Variants in OAS2 observed in about 807,000 individuals in gnomAD.
OAS2 encodes the protein 2'-5'-oligoadenylate synthetase 2.
In OAS2, 67 loss-of-function variants were observed where a neutral mutation model predicts 71.3. The ratio of observed to expected loss-of-function variants is 0.94; its 90% CI spans 0.77 to 1.15. The LOEUF is 1.15. Ranked by LOEUF, OAS2 falls within the 50% of genes most tolerant of loss-of-function variation. The probability of loss-of-function intolerance (pLI) is 0.00; values close to 1 mark genes in which losing one functional copy is unlikely to be tolerated. For synonymous variants in OAS2, 327 were observed against 321.8 expected (o/e 1.02, Z -0.17); for missense variants, 789 against 822.5 (o/e 0.96, Z 0.50).
In OAS2 at chr12:113,007,932, G is replaced by A; in HGVS notation, c.1884G>A (p.Leu628=). Residue 628 remains leucine (L), a synonymous_variant, in exon 9 of 10, where the codon TTG becomes TTA. Transcript: ENST00000392583. The part of the protein sequence containing the change: ...ETVRKFLLSQ[L]QKTRPVILDP... ...TGAGGAAGTTTCTACTGAGCCAGTT[G>A]CAGAAAACCAGGTGCCTTCACCCTA... 1 of 1,613,378 alleles carries A rather than the reference G, an allele frequency of 6.2e-7. No individual in the cohort carries two copies. Among genetic ancestry groups the A allele is most frequent in the Non-Finnish European group, 8.5e-7 (1 of 1,179,286 alleles).
In OAS2 at chr12:112,997,549, G is replaced by A. The variant is rs45530035; in HGVS notation, c.657G>A (p.Ser219=). The A allele has an allele frequency of 2.0e-4, 327 of 1,613,782 alleles. No homozygotes were observed. Among genetic ancestry groups the A allele is most frequent in the Non-Finnish European group, 2.5e-4 (298 of 1,179,876 alleles). The change falls in exon 4 of 10, where the codon TCG becomes TCA. Residue 219 remains serine, a synonymous_variant. Coordinates refer to ENST00000392583, the MANE Select transcript of OAS2 (RefSeq NM_002535.3). ...AGAAAAAAATCAAGGATTTACCCTC[G>A]CTGTCTCCGTATGCCCTGGAGCTGC... The part of the protein sequence containing the change: ...QCQKKIKDLP[S]LSPYALELLT...
intron 2 of OAS2, among the ~76,000 whole-genome samples, chr12:112,991,112 C>T (rs2044187872): frequency 6.6e-6 from 1 of 152,238 alleles, no homozygotes; most frequent in East Asian, 1.9e-4. Context: ...CTGGCCTTCC[C>T]TGAGCTCCTC....
At chr12:112,982,352 C>T (rs911302132) in intron 1 of OAS2, among the ~76,000 whole-genome samples, 3 of 151,956 alleles carry the variant, frequency 2.0e-5, no homozygotes, top group African/African-American at 7.3e-5. Flanking sequence ...TCCTTACATG[C>T]CTAATTTGTT....
rs992942105 is a variant in OAS2, at chr12:113,009,707, T to G, written c.*452T>G. The G allele has an allele frequency of 2.8e-5, 28 of 987,380 alleles. No homozygotes were observed. In the African/African-American group the frequency reaches 4.7e-4, roughly 17 times the overall value. The allele number at this position is 987,380 out of a possible 1,614,324, so 61.2% of individuals were successfully genotyped here. A position where few individuals can be genotyped will look rare whatever the true frequency, so the allele number is the denominator to read the frequency against. On this transcript the variant is annotated 3_prime_UTR_variant, in exon 10 of 10. Transcript: ENST00000392583. ...ACCCAAAGGTCAAGAACACAGTGATTTTATTAGAAGTTTCATCCGCAAATT... is the reference window on the plus strand; with the variant it reads ...ACCCAAAGGTCAAGAACACAGTGATGTTATTAGAAGTTTCATCCGCAAATT...
At chr12:113,001,651 C>T (rs2044291949) in intron 5 of OAS2, among the ~76,000 whole-genome samples, 1 of 151,366 alleles carries the variant, frequency 6.6e-6, no homozygotes, top group Non-Finnish European at 1.5e-5. Flanking sequence ...GCCTCTCTCT[C>T]TACTTCCAAC....
chr12:113,005,447 G>T (rs2044323417), intron 7 of OAS2, among the ~76,000 whole-genome samples: 1 of 152,108 alleles, frequency 6.6e-6, no homozygotes, highest in African/African-American at 2.4e-5. Context: ...TAATCAGGGA[G>T]ACTGAGGCAG....
At chr12:112,979,267 C>T (rs1360403100) in intron 1 of OAS2, among the ~76,000 whole-genome samples, 3 of 152,070 alleles carry the variant, frequency 2.0e-5, no homozygotes, top group African/African-American at 7.2e-5. Flanking sequence ...ACACAAATCT[C>T]AGGACTGAGG....
At position 113,009,439 on chromosome 12, in the gene OAS2, C is replaced by T; in HGVS notation, c.*184C>T. ...TCAGGCAGGTAACCCCAGATTCATGCACTGTAGGGTGCTGCGCAGCATCCC... is the reference window on the plus strand; with the variant it reads ...TCAGGCAGGTAACCCCAGATTCATGTACTGTAGGGTGCTGCGCAGCATCCC... On this transcript the variant is annotated 3_prime_UTR_variant, in exon 10 of 10. Coordinates refer to ENST00000392583, the MANE Select transcript of OAS2 (RefSeq NM_002535.3). 1.4e-6 allele frequency: 2 copies of T among 1,431,558 alleles called. No individual in the cohort carries two copies. Among genetic ancestry groups the T allele is most frequent in the Non-Finnish European group, 1.8e-6 (2 of 1,095,792 alleles). 88.7% of individuals were successfully genotyped at this position (1,431,558 alleles called of 1,614,324 possible).
chr12:112,999,699 A>G (rs189591466), intron 5 of OAS2, among the ~76,000 whole-genome samples: 11 of 152,104 alleles, frequency 7.2e-5, no homozygotes, highest in African/African-American at 2.4e-4. Context: ...CTCTGACCCC[A>G]ATTTTCCCGG....
At position 113,007,616 on chromosome 12, in the gene OAS2, G is replaced by A. The variant is rs550956394; in HGVS notation, c.1657-89G>A. ...AGTGTGAGCACACCAGCACGACACT[G>A]TGACTCAGTTGCCTTGCTGTGGTCC... On this transcript the variant is annotated intron_variant, in intron 8 of 9. Transcript: ENST00000392583. 80 of 1,044,712 alleles carry A rather than the reference G, an allele frequency of 7.7e-5. No homozygotes were observed. In the African/African-American group the frequency reaches 1.1e-3, roughly 14 times the overall value. The allele number at this position is 1,044,712 out of a possible 1,614,324, so 64.7% of individuals were successfully genotyped here.
At chr12:113,006,792 T>C (rs2044339005) in intron 8 of OAS2, among the ~76,000 whole-genome samples, 192 bp downstream of exon 8, 1 of 152,208 alleles carries the variant, frequency 6.6e-6, no homozygotes, top group African/African-American at 2.4e-5. Context: ...CTTCTGCCCA[T>C]CAAAGCTGCT....
intron 1 of OAS2, among the ~76,000 whole-genome samples, chr12:112,984,225 G>T (rs956339111): frequency 6.6e-6 from 1 of 152,068 alleles, no homozygotes; most frequent in Non-Finnish European, 1.5e-5. Context: ...ATACATATGT[G>T]TATAAATATA....
chr12:112,980,567 A>T (rs1357323118), intron 1 of OAS2, among the ~76,000 whole-genome samples: 1 of 152,220 alleles, frequency 6.6e-6, no homozygotes, highest in African/African-American at 2.4e-5. Context: ...AAATGACAGA[A>T]TTCCATTCTT....
At chr12:112,984,810 C>A (rs1216273268) in intron 1 of OAS2, among the ~76,000 whole-genome samples, 1 of 152,168 alleles carries the variant, frequency 6.6e-6, no homozygotes, top group Non-Finnish European at 1.5e-5. Context: ...AGATGTAACA[C>A]TCTCTTAAGC....
In OAS2 at chr12:113,002,989, C is replaced by T; in HGVS notation, c.1066C>T (p.Leu356Phe). 1 of 1,614,152 alleles carries T rather than the reference C, an allele frequency of 6.2e-7. No individual in the cohort carries two copies. Among genetic ancestry groups the T allele is most frequent in the Non-Finnish European group, 8.5e-7 (1 of 1,179,998 alleles). The change falls in exon 6 of 10, where the codon CTC (leucine) becomes TTC (phenylalanine). Residue 356 changes from leucine (L) to phenylalanine (F), a missense_variant. By Grantham distance (22) the Leu-to-Phe change is conservative. Coordinates refer to ENST00000392583, the MANE Select transcript of OAS2 (RefSeq NM_002535.3). ...TCTGGATAAGTTCATCAAGGAGTTT[C>T]TCCAGCCCAACAAATGCTTCCTAGA... ...HLLDKFIKEF[L>F]QPNKCFLEQI...
chr12:113,005,751 C>T (rs574775467), intron 7 of OAS2, among the ~76,000 whole-genome samples: 11 of 151,084 alleles, frequency 7.3e-5, no homozygotes, highest in Non-Finnish European at 1.3e-4. Flanking sequence ...GTTAGCCAGG[C>T]ATGGTGGCAC....
At chr12:112,983,862 T>C (rs1165529544) in intron 1 of OAS2, among the ~76,000 whole-genome samples, 1 of 152,216 alleles carries the variant, frequency 6.6e-6, no homozygotes. Context: ...TTGAGCCTTG[T>C]TTTGTGACCT....
At chr12:112,987,005 A>G (rs1268557293) in intron 1 of OAS2, 33 bp from the exon 2 acceptor site, 1 of 1,574,326 alleles carries the variant, frequency 6.4e-7, no homozygotes, top group Non-Finnish European at 8.6e-7. Flanking sequence ...CCCAGAATCT[A>G]GTGTCTCATA....
chr12:112,978,573 A>G lies in OAS2; in HGVS notation c.-36A>G. ...CAAGAATTCCTCTGCCTCCCATCCT[A>G]CCATTCACTGTCTTGCCGGCAGCCA... is the stretch of plus-strand genomic sequence containing the variant. On this transcript the variant is annotated 5_prime_UTR_variant, in exon 1 of 10. Transcript: ENST00000392583. The surrounding 1 kb of genome is among the most constrained non-coding windows in gnomAD (Gnocchi z 4.2). The G allele has an allele frequency of 2.5e-6, 4 of 1,610,390 alleles. No individual in the cohort carries two copies. Among genetic ancestry groups the G allele is most frequent in the Non-Finnish European group, 3.4e-6 (4 of 1,177,482 alleles).
Sources: gnomAD v4.1 joint callset for allele counts (sites outside exome capture counted in the v4.1 genomes callset) on GRCh38, gnomAD v4.1.1 for gene constraint, Gnocchi (gnomAD v3.1) non-coding constraint, MANE v1.5 for transcripts, NCBI Gene and HGNC (gene_info 2026-07-23, HGNC 2026-07-21) for gene names.